Variants in FDX2 observed in about 807,000 individuals in gnomAD.
The protein encoded by FDX2 is ferredoxin 2.
In FDX2, 13 loss-of-function variants were observed where a neutral mutation model predicts 18.5. The observed-to-expected ratio is 0.70, with a 90% confidence interval of 0.46 to 1.12. FDX2 has a LOEUF of 1.12. FDX2 is among the 50% of genes most tolerant of loss of function. FDX2 has a pLI of 0.00. For synonymous variants in FDX2, 132 were observed against 106.2 expected, an observed-to-expected ratio of 1.24 and a Z score of -1.49; for missense variants, 238 against 250.4, an observed-to-expected ratio of 0.95 and a Z score of 0.34.
chr19:10,315,792 G>A (rs2145058518), intron 1 of FDX2, 33 bp from the exon 2 acceptor site: 1 of 1,601,166 alleles, frequency 6.2e-7, no homozygotes, highest in Non-Finnish European at 8.5e-7. Flanking sequence ...CGGCTGCGCC[G>A]AGCCCCGCCC....
intron 3 of FDX2, among the ~76,000 whole-genome samples, chr19:10,314,396 C>T (rs904228313): frequency 6.6e-6 from 1 of 152,120 alleles, no homozygotes; most frequent in South Asian, 2.1e-4. Context: ...CACTGGGGGA[C>T]AGATGACAAA....
intron 2 of FDX2, 74 bp downstream of exon 2, chr19:10,315,630 GA>G (rs2040374622): frequency 1.3e-6 from 2 of 1,525,846 alleles, no homozygotes; most frequent in Non-Finnish European, 1.8e-6. Context: ...ACCTCGAGAT[GA>G]AGCTACAGGG....
At chr19:10,311,730 G>T in intron 3 of FDX2, among the ~76,000 whole-genome samples, 2 of 145,874 alleles carry the variant, frequency 1.4e-5, no homozygotes. Flanking sequence ...TTGAGACAGG[G>T]TCTCACTCTG....
At chr19:10,310,742 T>A in intron 4 of FDX2, 100 bp from the exon 5 acceptor site, 2 of 1,114,206 alleles carry the variant, frequency 1.8e-6, no homozygotes, top group African/African-American at 2.2e-5. Flanking sequence ...GCGCAGGGGG[T>A]AGTGGTGGGG....
At chr19:10,312,242 T>C (rs2040332599) in intron 3 of FDX2, among the ~76,000 whole-genome samples, 1 of 138,096 alleles carries the variant, frequency 7.2e-6, no homozygotes, top group East Asian at 2.3e-4. Flanking sequence ...CTCAAACTCC[T>C]AAGCTCAAGC....
At position 10,310,715 on chromosome 19, in the gene FDX2, G is replaced by C. The variant is rs1434654114; in HGVS notation, c.405-73C>G. On this transcript the variant is annotated intron_variant, in intron 4 of 4. Transcript: ENST00000393708. The stretch of plus-strand genomic sequence containing the variant: ...TGGGTGGGGGGCCAGAGGTGGGGGA[G>C]GGAGGAAGCTGACTGAGCGCAGGGG... 4 of 1,413,226 alleles carry C rather than the reference G, an allele frequency of 2.8e-6. 1 individual carries two copies. In the South Asian group the frequency reaches 4.8e-5, roughly 17 times the overall value. The allele number at this position is 1,413,226 out of a possible 1,614,324, so 87.5% of individuals were successfully genotyped here.
rs1472016173 is a variant in FDX2, at chr19:10,310,482, C to T, written c.*4G>A. Reference sequence around the variant, plus strand: ...GGCAATGTGGAATGGTCCAGGTGTTCATGTCAGTGGGGCTTGGGGACATGG... The same window carrying T: ...GGCAATGTGGAATGGTCCAGGTGTTTATGTCAGTGGGGCTTGGGGACATGG... On this transcript the variant is annotated 3_prime_UTR_variant, in exon 5 of 5. Transcript: ENST00000393708. 1 of 1,614,158 alleles carries T rather than the reference C, an allele frequency of 6.2e-7. No homozygotes were observed. The highest frequency in any genetic ancestry group is 8.5e-7 in the Non-Finnish European group (1 of 1,180,030).
chr19:10,315,651 G>A, intron 2 of FDX2, 54 bp downstream of exon 2: 6 of 1,539,686 alleles, frequency 3.9e-6, no homozygotes, highest in South Asian at 1.2e-5. Context: ...GCAAGATGGG[G>A]ACCAGAGGAA....
rs378395 is a variant in FDX2, at chr19:10,315,746, A to C, written c.168T>G (p.Ala56=). ...CCGGGCCGCCCGCGTCCTCCTCTCC[A>C]GCCGGGCGCGAGCCTGGAAAACACG... Residue 56 remains alanine (A), a synonymous_variant, in exon 2 of 5, where the codon GCT becomes GCG. Coordinates refer to ENST00000393708, the MANE Select transcript of FDX2 (RefSeq NM_001031734.4). The C allele has an allele frequency of 0.48, 756,407 of 1,576,718 alleles. 183,379 individuals carry two copies. The highest frequency in any genetic ancestry group is 0.61 in the African/African-American group (44,923 of 73,754).
intron 4 of FDX2, 27 bp from the exon 5 acceptor site, chr19:10,310,669 G>A: frequency 6.5e-7 from 1 of 1,541,606 alleles, no homozygotes; most frequent in East Asian, 2.8e-5. Context: ...GGCAGTGTTA[G>A]CCGAGGGCAA....
chr19:10,315,750 G>C lies in FDX2; in HGVS notation c.164C>G (p.Pro55Arg), dbSNP rs541579149. 3.2e-6 allele frequency: 5 copies of C among 1,585,102 alleles called. No individual in the cohort carries two copies. The highest frequency in any genetic ancestry group is 4.3e-6 in the Non-Finnish European group (5 of 1,167,078). ...GCCGCCCGCGTCCTCCTCTCCAGCCGGGCGCGAGCCTGGAAAACACGGTTC... is the reference window on the plus strand; with the variant it reads ...GCCGCCCGCGTCCTCCTCTCCAGCCCGGCGCGAGCCTGGAAAACACGGTTC... Residue 55 changes from proline (P) to arginine (R), a missense_variant, in exon 2 of 5, where the codon CCG becomes CGG. Pro to Arg is a moderately radical substitution (Grantham distance 103). Transcript: ENST00000393708.
Position 10,315,299 on chromosome 19 carries a change from G to C in FDX2, c.316+87C>G. The C allele has an allele frequency of 2.8e-6, 3 of 1,059,734 alleles. 1 individual carries two copies. The South Asian group carries it at 4.7e-5, about 17-fold the overall frequency. The allele number at this position is 1,059,734 out of a possible 1,614,324, so 65.6% of individuals were successfully genotyped here. On this transcript the variant is annotated intron_variant, in intron 3 of 4. Transcript: ENST00000393708. The stretch of plus-strand genomic sequence containing the variant: ...ATATTTGGTGGGAAAAAGACGTGAA[G>C]AGACACACCTAATTTGTGGGTTTTT...
intron 2 of FDX2, 37 bp downstream of exon 2, chr19:10,315,668 G>A: frequency 1.3e-6 from 2 of 1,542,172 alleles, no homozygotes; most frequent in South Asian, 2.4e-5. Flanking sequence ...GGAATTCCGT[G>A]GGATGAGGAA....
rs541579149 is a variant in FDX2, at chr19:10,315,750, G to T, written c.164C>A (p.Pro55Gln). 1.3e-6 allele frequency: 2 copies of T among 1,584,980 alleles called. No homozygotes were observed. Among genetic ancestry groups the T allele is most frequent in the Admixed American group, 1.8e-5 (1 of 55,928 alleles). ...GCCGCCCGCGTCCTCCTCTCCAGCC[G>T]GGCGCGAGCCTGGAAAACACGGTTC... Residue 55 changes from proline (P) to glutamine (Q), a missense_variant, in exon 2 of 5, where the codon CCG becomes CAG. Physicochemically the swap from Pro to Gln is moderately conservative, Grantham distance 76. Coordinates refer to ENST00000393708, the MANE Select transcript of FDX2 (RefSeq NM_001031734.4).
Position 10,315,321 on chromosome 19 carries a change from T to TTG in FDX2, c.316+64_316+65insCA. The TTG allele has an allele frequency of 5.9e-5, 37 of 622,116 alleles. 3 individuals are homozygous for TTG. In the Admixed American group the frequency reaches 1.2e-3, roughly 20 times the overall value. The allele number at this position is 622,116 out of a possible 1,614,324, so 38.5% of individuals were successfully genotyped here. The stretch of plus-strand genomic sequence containing the variant: ...GAAGAGACACACCTAATTTGTGGGT[T>TTG]TTTTTTTTTTTTTTTTTGGACAAAT... On this transcript the variant is annotated intron_variant, in intron 3 of 4. Coordinates refer to ENST00000393708, the MANE Select transcript of FDX2 (RefSeq NM_001031734.4).
At chr19:10,313,121 G>A (rs765406022) in intron 3 of FDX2, among the ~76,000 whole-genome samples, 7 of 152,192 alleles carry the variant, frequency 4.6e-5, no homozygotes, top group Non-Finnish European at 8.8e-5. Context: ...CTGGGTGATA[G>A]AGCGAGACTC....
At position 10,310,305 on chromosome 19, in the gene FDX2, G is replaced by C. The variant is rs2040309523; in HGVS notation, c.*181C>G. On this transcript the variant is annotated 3_prime_UTR_variant, in exon 5 of 5. Coordinates refer to ENST00000393708, the MANE Select transcript of FDX2 (RefSeq NM_001031734.4). ...GGGCCTGGGGAAGGCCACCCCACTAGGGGCCCTGTCCCCACCAGAGCCTGG... is the reference window on the plus strand; with the variant it reads ...GGGCCTGGGGAAGGCCACCCCACTACGGGCCCTGTCCCCACCAGAGCCTGG... The C allele has an allele frequency of 2.4e-6, 2 of 848,534 alleles. No individual in the cohort carries two copies. The highest frequency in any genetic ancestry group is 3.6e-6 in the Non-Finnish European group (2 of 561,272). 52.6% of individuals were successfully genotyped at this position (848,534 alleles called of 1,614,324 possible). A position where few individuals can be genotyped will look rare whatever the true frequency, so the allele number is the denominator to read the frequency against.
At chr19:10,315,534 G>A in intron 2 of FDX2, 42 bp from the exon 3 acceptor site, 3 of 1,597,174 alleles carry the variant, frequency 1.9e-6, no homozygotes, top group Non-Finnish European at 2.6e-6. Context: ...TGGATGATGG[G>A]CTCAGGGCCC....
At chr19:10,310,991 G>C in intron 3 of FDX2, 51 bp from the exon 4 acceptor site, 1 of 1,392,192 alleles carries the variant, frequency 7.2e-7, no homozygotes, top group Non-Finnish European at 1.0e-6. Flanking sequence ...GTCAGGAAGG[G>C]GCTGCTATGC....
Sources: allele counts gnomAD v4.1 joint callset (sites outside exome capture counted in the v4.1 genomes callset), GRCh38; gene constraint gnomAD v4.1.1; transcripts MANE v1.5; gene names NCBI Gene and HGNC (gene_info 2026-07-23, HGNC 2026-07-21).